INPP4B: variants seen among roughly 807,000 people sequenced by gnomAD.
The protein encoded by INPP4B is inositol polyphosphate-4-phosphatase type II B, also known as inositol polyphosphate 4-phosphatase type II.
INPP4B carries 55 observed loss-of-function variants against 122.5 expected under a neutral mutation model. The ratio of observed to expected loss-of-function variants is 0.45; its 90% CI spans 0.36 to 0.56. The LOEUF (loss-of-function observed/expected upper bound fraction) is 0.56, where lower values mean the gene tolerates loss of function less well. Among genes scored for constraint, INPP4B ranks in the 20% least tolerant of loss-of-function variants. The probability of loss-of-function intolerance (pLI) is 0.00; values close to 1 mark genes in which losing one functional copy is unlikely to be tolerated. For missense variants in INPP4B, 1,000 were observed against 1,097.7 expected (o/e 0.91, Z 1.26); for synonymous variants, 403 against 388.7 (o/e 1.04, Z -0.43).
intron 7 of INPP4B, among the ~76,000 whole-genome samples, chr4:142,363,303 G>A (rs1052080317): frequency 1.3e-5 from 2 of 151,684 alleles, no homozygotes; most frequent in Admixed American, 1.3e-4. Flanking sequence ...CTCCAGTTAT[G>A]CCATGCAATT....
intron 11 of INPP4B, among the ~76,000 whole-genome samples, chr4:142,257,982 A>C (rs559185076): frequency 6.6e-6 from 1 of 152,192 alleles, no homozygotes; most frequent in Non-Finnish European, 1.5e-5. Flanking sequence ...CCAAAACAGC[A>C]TGGTACTGGT....
intron 5 of INPP4B, among the ~76,000 whole-genome samples, chr4:142,425,673 A>G (rs1234763583): frequency 6.6e-6 from 1 of 151,954 alleles, no homozygotes; most frequent in Admixed American, 6.6e-5. Context: ...TTTGAAAACT[A>G]TATCTAAAGT....
intron 18 of INPP4B, among the ~76,000 whole-genome samples, chr4:142,128,893 C>T (rs1799936037): frequency 6.6e-6 from 1 of 152,188 alleles, no homozygotes; most frequent in Admixed American, 6.5e-5. Flanking sequence ...TATCAACCAA[C>T]TGTAGCAGAG....
intron 2 of INPP4B, among the ~76,000 whole-genome samples, chr4:142,574,399 C>T (rs1289141836): frequency 2.0e-5 from 3 of 152,034 alleles, no homozygotes; most frequent in Non-Finnish European, 4.4e-5. Flanking sequence ...TGCCACAGAC[C>T]GTAATGGTCT....
intron 2 of INPP4B, among the ~76,000 whole-genome samples, chr4:142,562,423 A>T (rs902462950): frequency 6.6e-6 from 1 of 152,226 alleles, no homozygotes; most frequent in African/African-American, 2.4e-5. Flanking sequence ...AAAGTAGCAG[A>T]TTTATGCATT....
intron 1 of INPP4B, among the ~76,000 whole-genome samples, chr4:142,769,570 A>G (rs1337855955): frequency 6.6e-6 from 1 of 152,126 alleles, no homozygotes; most frequent in Non-Finnish European, 1.5e-5. Flanking sequence ...TCCCCTATGG[A>G]TGATTCATTA....
At chr4:142,083,360 G>GA (rs1055035005) in intron 24 of INPP4B, among the ~76,000 whole-genome samples, 1 of 152,118 alleles carries the variant, frequency 6.6e-6, no homozygotes, top group Non-Finnish European at 1.5e-5. Flanking sequence ...TTAAGTCAGA[G>GA]AAAAATCACT....
chr4:142,253,547 G>T (rs1018173795), intron 11 of INPP4B, among the ~76,000 whole-genome samples: 1 of 152,252 alleles, frequency 6.6e-6, no homozygotes, highest in African/African-American at 2.4e-5. Context: ...CTCGGGAAGT[G>T]CAAGGGGTCA....
intron 2 of INPP4B, among the ~76,000 whole-genome samples, chr4:142,515,904 C>T (rs944626160): frequency 1.3e-5 from 2 of 151,910 alleles, no homozygotes; most frequent in African/African-American, 4.8e-5. Flanking sequence ...ACAATAAATC[C>T]CATGAAAAGG....
chr4:142,712,125 C>T (rs184067332), intron 2 of INPP4B, among the ~76,000 whole-genome samples: 1 of 152,100 alleles, frequency 6.6e-6, no homozygotes. Context: ...CATGTGAGGA[C>T]GTAGCAAGGG....
At chr4:142,824,032 C>A (rs1250073751) in intron 1 of INPP4B, among the ~76,000 whole-genome samples, 2 of 152,092 alleles carry the variant, frequency 1.3e-5, no homozygotes, top group Non-Finnish European at 2.9e-5. Context: ...CACAGTCATT[C>A]TTTCTGCTTG....
At chr4:142,318,814 G>A (rs1172894245) in intron 7 of INPP4B, among the ~76,000 whole-genome samples, 3 of 152,054 alleles carry the variant, frequency 2.0e-5, no homozygotes, top group Non-Finnish European at 1.5e-5. Context: ...GCATACAGTG[G>A]GTTATTCTCA....
At chr4:142,621,543 A>T (rs1318534069) in intron 2 of INPP4B, among the ~76,000 whole-genome samples, 9 of 151,956 alleles carry the variant, frequency 5.9e-5, no homozygotes, top group Admixed American at 5.9e-4. Context: ...AGACCATAGC[A>T]GAGTGGAAAG....
At chr4:142,682,647 A>C (rs1388209147) in intron 2 of INPP4B, among the ~76,000 whole-genome samples, 1 of 151,920 alleles carries the variant, frequency 6.6e-6, no homozygotes, top group Non-Finnish European at 1.5e-5. Context: ...TCTCTATTGC[A>C]TGAGAGCAGA....
intron 16 of INPP4B, among the ~76,000 whole-genome samples, chr4:142,171,702 G>T (rs544490889): frequency 6.6e-6 from 1 of 151,764 alleles, no homozygotes; most frequent in Non-Finnish European, 1.5e-5. Context: ...CTTAAAAAAA[G>T]ATCCTCCTAG....
At chr4:142,308,597 A>G (rs1399826277) in intron 8 of INPP4B, among the ~76,000 whole-genome samples, 1 of 152,160 alleles carries the variant, frequency 6.6e-6, no homozygotes, top group African/African-American at 2.4e-5. Flanking sequence ...CACTGAACAC[A>G]TTGTAAAAGA....
At chr4:142,459,449 A>G (rs148218610) in intron 3 of INPP4B, among the ~76,000 whole-genome samples, 2 of 152,296 alleles carry the variant, frequency 1.3e-5, no homozygotes, top group Admixed American at 1.3e-4. Context: ...GAAACGAAGA[A>G]GAAAGGAAGA....
chr4:142,072,556 T>TA (rs1040578784), intron 25 of INPP4B, among the ~76,000 whole-genome samples: 3 of 150,952 alleles, frequency 2.0e-5, no homozygotes, highest in Non-Finnish European at 4.4e-5. Context: ...TTTTTTTTTT[T>TA]ACCTTTCCTC....
In INPP4B at chr4:142,166,976, T is replaced by G. The variant is rs1308159647; in HGVS notation, c.1360-6415A>C. ...TTAGTTCAACCATTATGGAAGACAGTAGCGTGGCAATTACTCAAAGACCTA... is the reference window on the plus strand; with the variant it reads ...TTAGTTCAACCATTATGGAAGACAGGAGCGTGGCAATTACTCAAAGACCTA... On this transcript the variant is annotated intron_variant, in intron 16 of 25. Transcript: ENST00000262992. 3.3e-5 allele frequency among the ~76,000 whole-genome samples: 5 copies of G among 151,738 alleles called. No individual in the cohort carries two copies. The South Asian group carries it at 1.0e-3, about 31-fold the overall frequency.
Sources: gnomAD v4.1 joint callset for allele counts (sites outside exome capture counted in the v4.1 genomes callset) on GRCh38, gnomAD v4.1.1 for gene constraint, MANE v1.5 for transcripts, NCBI Gene and HGNC (gene_info 2026-07-23, HGNC 2026-07-21) for gene names.